NLRP12: variants seen among roughly 807,000 people sequenced by gnomAD.
The protein encoded by NLRP12 is NACHT, LRR and PYD domains-containing protein 12.
In NLRP12, 108 loss-of-function variants were observed where a neutral mutation model predicts 91.2. The observed-to-expected ratio is 1.18, with a 90% CI of 1.01 to 1.39. The LOEUF is 1.39. NLRP12 is among the 40% of genes most tolerant of loss of function. The pLI is 0.00. For missense variants in NLRP12, 1,530 were observed against 1,352.7 expected (o/e 1.13, Z -2.06); for synonymous variants, 613 against 566.7 (o/e 1.08, Z -1.16).
chr19:53,796,384 T>C (rs1473291722), intron 8 of NLRP12, among the ~76,000 whole-genome samples: 1 of 149,670 alleles, frequency 6.7e-6, no homozygotes, highest in Non-Finnish European at 1.5e-5. Flanking sequence ...CCCCAGCAGC[T>C]GGGACTACAG....
intron 4 of NLRP12, among the ~76,000 whole-genome samples, chr19:53,806,147 T>C (rs1467784900): frequency 1.3e-5 from 2 of 151,862 alleles, no homozygotes; most frequent in Non-Finnish European, 2.9e-5. Flanking sequence ...GGCAGGAGAA[T>C]TGCTTGAACT....
rs570948263 is a variant in NLRP12 at position 53,798,399 on chromosome 19, C to T, written c.2771G>A (p.Arg924Gln). Residue 924 changes from arginine (R) to glutamine (Q), a missense_variant, in exon 8 of 10, where the codon CGG becomes CAG. By Grantham distance (43) the Arg-to-Gln change is conservative. Transcript: ENST00000324134. ...KLQTLRLGIC[R>Q]LGSAACEGLS... ...ACCCTCACAGGCGGCAGAGCCCAGC[C>T]GGCAGATGCCCAACCTGCAAAGACA... is the stretch of plus-strand genomic sequence containing the variant. 1.7e-5 allele frequency: 27 copies of T among 1,614,030 alleles called. No homozygotes were observed. The highest frequency in any genetic ancestry group is 8.0e-5 in the African/African-American group (6 of 75,042).
Position 53,794,011 on chromosome 19 carries a change from T to C in NLRP12, c.*38A>G. 1 of 1,410,870 alleles carries C rather than the reference T, an allele frequency of 7.1e-7. No homozygotes were observed. Among genetic ancestry groups the C allele is most frequent in the Non-Finnish European group, 1.0e-6 (1 of 994,680 alleles). 87.4% of individuals were successfully genotyped at this position (1,410,870 alleles called of 1,614,324 possible). On this transcript the variant is annotated 3_prime_UTR_variant, in exon 10 of 10. Coordinates refer to ENST00000324134, the MANE Select transcript of NLRP12 (RefSeq NM_144687.4). Reference sequence around the variant, plus strand: ...TGATGAGCACCCTCCCATCTTCCTCTGTCCAGATCTCAGGGGAGAGCCAGC... The same window carrying C: ...TGATGAGCACCCTCCCATCTTCCTCCGTCCAGATCTCAGGGGAGAGCCAGC...
Position 53,811,140 on chromosome 19 carries a change from C to T in NLRP12, c.519G>A (p.Gln173=). The T allele has an allele frequency of 6.2e-7, 1 of 1,614,150 alleles. No homozygotes were observed. The highest frequency in any genetic ancestry group is 8.5e-7 in the Non-Finnish European group (1 of 1,180,036). ...VKEHSNPMQV[Q]QQLLDTGRGH... ...CCCGGCCTGTGTCCAGAAGCTGCTGCTGGACCTGCATGGGGTTTGAGTGCT... is the reference window on the plus strand; with the variant it reads ...CCCGGCCTGTGTCCAGAAGCTGCTGTTGGACCTGCATGGGGTTTGAGTGCT... Residue 173 remains glutamine (Q), a synonymous_variant, in exon 3 of 10, where the codon CAG becomes CAA. Transcript: ENST00000324134.
chr19:53,819,238 C>T (rs941586509), intron 1 of NLRP12, among the ~76,000 whole-genome samples: 3 of 150,714 alleles, frequency 2.0e-5, no homozygotes, highest in Non-Finnish European at 4.4e-5. Context: ...TAAATTGATA[C>T]TTTTTTCTTT....
At position 53,809,671 on chromosome 19, in the gene NLRP12, A is replaced by G. The variant is rs2092026448; in HGVS notation, c.1988T>C (p.Leu663Pro). 6.2e-7 allele frequency: 1 copy of G among 1,614,068 alleles called. No individual in the cohort carries two copies. Among genetic ancestry groups the G allele is most frequent in the Non-Finnish European group, 8.5e-7 (1 of 1,180,018 alleles). Residue 663 changes from leucine (L) to proline (P), a missense_variant, in exon 3 of 10, where the codon CTG becomes CCG. Transcript: ENST00000324134. ...GCTGTAGGTGGCGCCATACAAGTGC[A>G]GCACCTGGGCGCTCCTGCAGCGCTT... ...CLKRCRSAQV[L>P]HLYGATYSAD...
Position 53,795,948 on chromosome 19 carries a change from A to G in NLRP12, c.3009T>C (p.Leu1003=). ...CCCCTAGGGCGTTGTTGGTCAGGTA[A>G]AGGTCGGTCAAGGTCTGGTTGATCC... The part of the protein sequence containing the change: ...TLGINQTLTD[L]YLTNNALGDT... Residue 1003 remains leucine (L), a synonymous_variant, in exon 9 of 10, where the codon CTT becomes CTC. Coordinates refer to ENST00000324134, the MANE Select transcript of NLRP12 (RefSeq NM_144687.4). 2 of 1,614,110 alleles carry G rather than the reference A, an allele frequency of 1.2e-6. No individual in the cohort carries two copies. Among genetic ancestry groups the G allele is most frequent in the Non-Finnish European group, 1.7e-6 (2 of 1,180,004 alleles).
rs112681120 is a variant in NLRP12, at chr19:53,803,893, C to T, written c.2585+59G>A. The T allele has an allele frequency of 9.4e-5, 146 of 1,550,506 alleles. No individual in the cohort carries two copies. The African/African-American group carries it at 9.6e-4, about 10-fold the overall frequency. On this transcript the variant is annotated intron_variant, in intron 6 of 9. Coordinates refer to ENST00000324134, the MANE Select transcript of NLRP12 (RefSeq NM_144687.4). ...CCGACCTGTGGATGCATTTTTATAC[C>T]ATCATTCAATATGAAGAGATTTGCC... is the stretch of plus-strand genomic sequence containing the variant.
chr19:53,821,087 G>A (rs1368317434), intron 1 of NLRP12, among the ~76,000 whole-genome samples: 1 of 140,410 alleles, frequency 7.1e-6, no homozygotes, highest in African/African-American at 2.7e-5. Flanking sequence ...CCAGGCTGGA[G>A]TGCAGTGGCT....
Position 53,824,073 on chromosome 19 carries a change from G to A in NLRP12, c.102C>T (p.Thr34=), listed in dbSNP as rs199600685. ...TCTTGCCTTCTCCCAGCTCTGTCGCGGTCCCCAGGTATAACTTGAACTTCT... is the reference window on the plus strand; with the variant it reads ...TCTTGCCTTCTCCCAGCTCTGTCGCAGTCCCCAGGTATAACTTGAACTTCT... ...ELKKFKLYLG[T]ATELGEGKIP... Residue 34 remains threonine (T), a synonymous_variant, in exon 1 of 10, where the codon ACC becomes ACT. Coordinates refer to ENST00000324134, the MANE Select transcript of NLRP12 (RefSeq NM_144687.4). 5.3e-5 allele frequency: 85 copies of A among 1,613,902 alleles called. No individual in the cohort carries two copies. Among genetic ancestry groups the A allele is most frequent in the Non-Finnish European group, 6.9e-5 (81 of 1,179,994 alleles).
intron 1 of NLRP12, among the ~76,000 whole-genome samples, chr19:53,819,331 G>A (rs1457924508): frequency 6.2e-5 from 9 of 145,800 alleles, no homozygotes; most frequent in Non-Finnish European, 1.3e-4. Flanking sequence ...TGCAACCTCC[G>A]CCTCCCGGGT....
chr19:53,798,453 C>T, intron 7 of NLRP12, 40 bp from the exon 8 acceptor site: 1 of 1,597,200 alleles, frequency 6.3e-7, no homozygotes, highest in Non-Finnish European at 8.5e-7. Flanking sequence ...GGAGGCATTC[C>T]TCCTGCAAAA....
chr19:53,796,026 C>G lies in NLRP12; in HGVS notation c.2931G>C (p.Leu977=). 1.2e-6 allele frequency: 2 copies of G among 1,614,118 alleles called. No individual in the cohort carries two copies. The highest frequency in any genetic ancestry group is 1.7e-6 in the Non-Finnish European group (2 of 1,179,958). ...CCTTGGCTGTGAGGCCACAGCTATC[C>G]AGCCTGGTGAAGATAAGGAGTTGGT... is the stretch of plus-strand genomic sequence containing the variant. ...HPACRLQKLW[L]DSCGLTAKAC... The change falls in exon 9 of 10, where the codon CTG becomes CTC. Residue 977 remains leucine, a synonymous_variant. Transcript: ENST00000324134.
At position 53,801,229 on chromosome 19, in the gene NLRP12, C is replaced by G. The variant is rs61741347; in HGVS notation, c.2754G>C (p.Leu918=). 1,944 of 1,613,836 alleles carry G rather than the reference C, an allele frequency of 1.2e-3. 25 individuals are homozygous for G. The African/African-American group carries it at 0.021, about 18-fold the overall frequency. ...LRHPTCKLQT[L]RLGICRLGSA... Reference sequence around the variant, plus strand: ...GTGGTGAGCAAAACGGGACTCACCGCAGGGTCTGGAGCTTGCACGTGGGAT... The same window carrying G: ...GTGGTGAGCAAAACGGGACTCACCGGAGGGTCTGGAGCTTGCACGTGGGAT... Residue 918 remains leucine, a splice_region_variant and synonymous_variant, in exon 7 of 10, where the codon CTG becomes CTC. Transcript: ENST00000324134.
rs752921828 is a variant in NLRP12 at position 53,798,237 on chromosome 19, G to A, written c.2927+6C>T. On this transcript the variant is annotated splice_donor_region_variant and intron_variant, in intron 8 of 9. Coordinates refer to ENST00000324134, the MANE Select transcript of NLRP12 (RefSeq NM_144687.4). The stretch of plus-strand genomic sequence containing the variant: ...CACTGCCACCCCGTCACTCCCCGAT[G>A]CTCACCACAGTTTCTGGAGTCTGCA... 1 of 1,614,156 alleles carries A rather than the reference G, an allele frequency of 6.2e-7. No individual in the cohort carries two copies. Among genetic ancestry groups the A allele is most frequent in the South Asian group, 1.1e-5 (1 of 91,086 alleles).
chr19:53,795,910 C>T lies in NLRP12; in HGVS notation c.3047G>A (p.Arg1016Gln), dbSNP rs770437378. 15 of 1,614,000 alleles carry T rather than the reference C, an allele frequency of 9.3e-6. No homozygotes were observed. The highest frequency in any genetic ancestry group is 2.7e-5 in the African/African-American group (2 of 74,918). The change falls in exon 9 of 10, where the codon CGA becomes CAA. Residue 1016 changes from arginine (R) to glutamine (Q), a missense_variant. Transcript: ENST00000324134. The part of the protein sequence containing the change: ...TNNALGDTGV[R>Q]LLCKRLSHPG... ...ATGGCTCAGCCGCTTGCAAAGCAGT[C>T]GGACACCTGTGTCCCCTAGGGCGTT...
At position 53,795,467 on chromosome 19, in the gene NLRP12, C is replaced by A. The variant is rs559068682; in HGVS notation, c.3098+392G>T. On this transcript the variant is annotated intron_variant, in intron 9 of 9. Coordinates refer to ENST00000324134, the MANE Select transcript of NLRP12 (RefSeq NM_144687.4). ...TTGGGTCACTGCAAGCTCCACCTCC[C>A]GGGTTCACGCCATTCTCCTGCCTCA... Among the ~76,000 whole-genome samples the A allele has an allele frequency of 3.3e-5, 5 of 151,800 alleles. No homozygotes were observed. The South Asian group carries it at 8.4e-4, about 25-fold the overall frequency.
chr19:53,810,473 G>A lies in NLRP12; in HGVS notation c.1186C>T (p.Pro396Ser). 6.2e-7 allele frequency: 1 copy of A among 1,614,130 alleles called. No individual in the cohort carries two copies. The highest frequency in any genetic ancestry group is 8.5e-7 in the Non-Finnish European group (1 of 1,180,036). The change falls in exon 3 of 10, where the codon CCT becomes TCT. Residue 396 changes from proline (P) to serine (S), a missense_variant. By Grantham distance (74) the Pro-to-Ser change is moderately conservative. Coordinates refer to ENST00000324134, the MANE Select transcript of NLRP12 (RefSeq NM_144687.4). ...GGGACGAAGCACATGGTGAAGAGAG[G>A]CTCGTTGTCCCTCACGTAATTGAAG... ...QVFNYVRDNEPLFTMCFVPLV... is the reference protein window; with the variant it reads ...QVFNYVRDNESLFTMCFVPLV...
intron 1 of NLRP12, among the ~76,000 whole-genome samples, chr19:53,816,381 C>CT (rs1325534369): frequency 6.6e-6 from 1 of 152,014 alleles, no homozygotes; most frequent in African/African-American, 2.4e-5. Context: ...AGCCCGCCCC[C>CT]CCCAACAGTC....
Sources: gnomAD v4.1 joint callset for allele counts (sites outside exome capture counted in the v4.1 genomes callset) on GRCh38, gnomAD v4.1.1 for gene constraint, MANE v1.5 for transcripts, NCBI Gene and HGNC (gene_info 2026-07-23, HGNC 2026-07-21) for gene names.